The following CHD3 variants were observed in gnomAD, a reference collection of about 807,000 sequenced individuals.
CHD3 encodes the protein chromodomain helicase DNA binding protein 3, also known as ATP-dependent chromatin remodeler CHD3.
Under a neutral mutation model 248.9 loss-of-function variants are expected in CHD3, and 52 were observed. That is an observed-to-expected ratio of 0.21 (90% CI 0.17 to 0.26). The LOEUF (loss-of-function observed/expected upper bound fraction) is 0.26, where lower values mean the gene tolerates loss of function less well. Ranked by LOEUF, CHD3 falls within the 10% of genes least tolerant of loss-of-function variation. CHD3 has a pLI of 1.00. For missense variants in CHD3, 1,482 were observed against 2,605.8 expected (o/e 0.57, Z 9.39); for synonymous variants, 985 against 985.2 (o/e 1.00, Z 0.00).
At chr17:7,885,430 G>T (rs1567825818), upstream of CHD3, among the ~76,000 whole-genome samples, 1 of 147,112 alleles carries the variant, frequency 6.8e-6, no homozygotes, top group Non-Finnish European at 1.5e-5. Context: ...GGAGGAGGAG[G>T]TTTTTTTTTT....
Position 7,909,166 on chromosome 17 carries a change from T to C in CHD3, c.5418T>C (p.Ile1806=), listed in dbSNP as rs1598008216. 6.4e-7 allele frequency: 1 copy of C among 1,556,832 alleles called. No individual in the cohort carries two copies. Among genetic ancestry groups the C allele is most frequent in the Non-Finnish European group, 8.7e-7 (1 of 1,151,026 alleles). ...AGCTCCTGGAGCAGGCGCTGGTGATTGAGGAGCAGCTGCGGCGGGCGGCCT... is the reference window on the plus strand; with the variant it reads ...AGCTCCTGGAGCAGGCGCTGGTGATCGAGGAGCAGCTGCGGCGGGCGGCCT... The part of the protein sequence containing the change: ...RFKLLEQALV[I]EEQLRRAAYL... The change falls in exon 37 of 40, where the codon ATT becomes ATC. Residue 1806 remains isoleucine, a synonymous_variant. Coordinates refer to ENST00000330494, the MANE Select transcript of CHD3 (RefSeq NM_001005273.3). The surrounding 1 kb of genome is among the most constrained non-coding windows in gnomAD (Gnocchi z 8.1).
At chr17:7,891,868 A>G (rs906415183) in intron 4 of CHD3, among the ~76,000 whole-genome samples, 40 of 152,148 alleles carry the variant, frequency 2.6e-4, no homozygotes, top group African/African-American at 9.4e-4. Context: ...GTCTCAAAAA[A>G]AAAAAAAGAA....
At position 7,910,957 on chromosome 17, in the gene CHD3, A is replaced by G. The variant is rs1310966587; in HGVS notation, c.5865A>G (p.Ala1955=). 1.2e-6 allele frequency: 2 copies of G among 1,613,190 alleles called. No individual in the cohort carries two copies. The highest frequency in any genetic ancestry group is 1.1e-5 in the South Asian group (1 of 91,002). ...AAGANYSQMP[A]GSFITAATNG... ...GCGCCAATTACAGCCAGATGCCTGC[A>G]GGGTCCTTCATCACAGGTCAGCTGG... Residue 1955 remains alanine (A), a synonymous_variant, in exon 39 of 40, where the codon GCA becomes GCG. Coordinates refer to ENST00000330494, the MANE Select transcript of CHD3 (RefSeq NM_001005273.3). This position sits in a 1 kb window ranked among gnomAD's most constrained non-coding sequence, Gnocchi z 4.7.
intron 20 of CHD3, among the ~76,000 whole-genome samples, 198 bp downstream of exon 20, chr17:7,901,573 C>T (rs190684197): frequency 7.4e-4 from 109 of 148,036 alleles, no homozygotes; most frequent in African/African-American, 2.5e-3. Flanking sequence ...TGCAGTGGCA[C>T]GATCTCGGCT....
chr17:7,910,074 T>A lies in CHD3; in HGVS notation c.5591-354T>A. 1 of 348,742 alleles carries A rather than the reference T, an allele frequency of 2.9e-6. No homozygotes were observed. The allele number at this position is 348,742 out of a possible 1,614,324, so 21.6% of individuals were successfully genotyped here. Reference sequence around the variant, plus strand: ...TCCCCATCATCCCCAACCCCAAACCTTGCTCTTCCAGTATGAGATGTTCTG... The same window carrying A: ...TCCCCATCATCCCCAACCCCAAACCATGCTCTTCCAGTATGAGATGTTCTG... On this transcript the variant is annotated intron_variant, in intron 37 of 39. Coordinates refer to ENST00000330494, the MANE Select transcript of CHD3 (RefSeq NM_001005273.3). This position sits in a 1 kb window ranked among gnomAD's most constrained non-coding sequence, Gnocchi z 4.7.
rs778076197 is a variant in CHD3 at position 7,910,851 on chromosome 17, A to C, written c.5759A>C (p.Tyr1920Ser). 6.2e-7 allele frequency: 1 copy of C among 1,600,158 alleles called. No individual in the cohort carries two copies. Among genetic ancestry groups the C allele is most frequent in the Non-Finnish European group, 8.5e-7 (1 of 1,175,378 alleles). Residue 1920 changes from tyrosine to serine, a missense_variant, in exon 39 of 40, where the codon TAC becomes TCC. By Grantham distance (144) the Tyr-to-Ser change is moderately radical. Coordinates refer to ENST00000330494, the MANE Select transcript of CHD3 (RefSeq NM_001005273.3). This position sits in a 1 kb window ranked among gnomAD's most constrained non-coding sequence, Gnocchi z 4.7. The stretch of plus-strand genomic sequence containing the variant: ...TCTGCTTCCTCTCTGTTCCAGGCCT[A>C]CCCGCCGGGTCCCTACGCTACACCT... ...KGTEPHPTPA[Y>S]PPGPYATPPG...
chr17:7,894,476 G>A lies in CHD3; in HGVS notation c.1137G>A (p.Gln379=). The A allele has an allele frequency of 6.2e-7, 1 of 1,614,124 alleles. No homozygotes were observed. The highest frequency in any genetic ancestry group is 1.3e-5 in the African/African-American group (1 of 75,018). The change falls in exon 8 of 40, where the codon CAG becomes CAA. Residue 379 remains glutamine, a synonymous_variant. Coordinates refer to ENST00000330494, the MANE Select transcript of CHD3 (RefSeq NM_001005273.3). ...TTGATGGCTACGAGACGGATCACCA[G>A]GATTACTGTGAGGTGTGCCAGCAGG... is the stretch of plus-strand genomic sequence containing the variant. ...EEVDGYETDH[Q]DYCEVCQQGG...
chr17:7,901,936 T>C (rs1970369593), intron 20 of CHD3, among the ~76,000 whole-genome samples: 1 of 152,110 alleles, frequency 6.6e-6, no homozygotes, highest in African/African-American at 2.4e-5. Flanking sequence ...CTTCATCTTA[T>C]TGGCAGGTGA....
Position 7,900,737 on chromosome 17 carries a change from A to G in CHD3, c.2978+6A>G, listed in dbSNP as rs746838409. On this transcript the variant is annotated splice_donor_region_variant and intron_variant, in intron 18 of 39. Transcript: ENST00000330494. This position sits in a 1 kb window ranked among gnomAD's most constrained non-coding sequence, Gnocchi z 6.5. ...GAGCTAAGCCCCATGCAGAAGTAAG[A>G]TGCAAGACGAGCTGCCTGGAGTAGG... 6.2e-7 allele frequency: 1 copy of G among 1,611,140 alleles called. No individual in the cohort carries two copies. Among genetic ancestry groups the G allele is most frequent in the South Asian group, 1.1e-5 (1 of 91,064 alleles).
chr17:7,885,043 G>A (rs1044723012), upstream of CHD3: 35 of 1,088,740 alleles, frequency 3.2e-5, no homozygotes, highest in East Asian at 5.4e-5. Context: ...CGCCGCCGCC[G>A]CCGCCACCGC....
intron 6 of CHD3, 53 bp downstream of exon 6, chr17:7,893,988 CAG>C (rs1187689065): frequency 7.4e-5 from 117 of 1,570,746 alleles, no homozygotes; most frequent in African/African-American, 2.7e-4. Flanking sequence ...GATCCAGAGA[CAG>C]GGATCCGTGA....
Position 7,893,422 on chromosome 17 carries a change from G to C in CHD3, c.646G>C (p.Ala216Pro), listed in dbSNP as rs780509597. 6.2e-7 allele frequency: 1 copy of C among 1,611,924 alleles called. No homozygotes were observed. Among genetic ancestry groups the C allele is most frequent in the Non-Finnish European group, 8.5e-7 (1 of 1,179,072 alleles). ...TGCTGTGGCGGCGGCAGCGGCAGCAGCAGCAGCAGCTGTAGCTGAGCAGGT... is the reference window on the plus strand; with the variant it reads ...TGCTGTGGCGGCGGCAGCGGCAGCACCAGCAGCAGCTGTAGCTGAGCAGGT... ...AAAVAAAAAAAAAAVAEQVSA... is the reference protein window; with the variant it reads ...AAAVAAAAAAPAAAVAEQVSA... The change falls in exon 5 of 40, where the codon GCA becomes CCA. Residue 216 changes from alanine (A) to proline (P), a missense_variant. Around this residue, in one of 20 missense-constraint regions of CHD3, gnomAD observed 149 missense variants for 182.6 expected, o/e 0.82. Coordinates refer to ENST00000330494, the MANE Select transcript of CHD3 (RefSeq NM_001005273.3).
At position 7,897,834 on chromosome 17, in the gene CHD3, T is replaced by A. The variant is rs1969869121; in HGVS notation, c.1920-137T>A. 4.4e-6 allele frequency: 4 copies of A among 911,376 alleles called. No homozygotes were observed. The African/African-American group carries it at 5.0e-5, about 11-fold the overall frequency. 56.5% of individuals were successfully genotyped at this position (911,376 alleles called of 1,614,324 possible). On this transcript the variant is annotated intron_variant, in intron 11 of 39. Transcript: ENST00000330494. The surrounding 1 kb of genome is among the most constrained non-coding windows in gnomAD (Gnocchi z 4.8). Reference sequence around the variant, plus strand: ...GCTAGGTCAACTATTCCAATCTCCCTTCCAGCAGCTCACTGTTGACGGTTG... The same window carrying A: ...GCTAGGTCAACTATTCCAATCTCCCATCCAGCAGCTCACTGTTGACGGTTG...
Position 7,907,244 on chromosome 17 carries a change from A to G in CHD3, c.4785A>G (p.Thr1595=), listed in dbSNP as rs777506442. The G allele has an allele frequency of 1.2e-6, 2 of 1,614,224 alleles. No homozygotes were observed. The highest frequency in any genetic ancestry group is 1.1e-5 in the South Asian group (1 of 91,090). Residue 1595 remains threonine, a synonymous_variant, in exon 31 of 40, where the codon ACA becomes ACG. Transcript: ENST00000330494. The surrounding 1 kb of genome is among the most constrained non-coding windows in gnomAD (Gnocchi z 4.3). ...KNSRIGEKME[T]EADAPSPAPS... ...GCAGAATTGGGGAGAAGATGGAGAC[A>G]GAGGTGTGTGGCTCCCTGGATTCCC... is the stretch of plus-strand genomic sequence containing the variant.
intron 20 of CHD3, 77 bp downstream of exon 20, chr17:7,901,452 G>A: frequency 7.5e-7 from 1 of 1,339,442 alleles, no homozygotes; most frequent in Non-Finnish European, 1.0e-6. Flanking sequence ...ATTTCTTACG[G>A]TCTTCCTGTG....
upstream of CHD3, among the ~76,000 whole-genome samples, chr17:7,886,524 T>G (rs749875840): frequency 2.6e-5 from 4 of 152,124 alleles, no homozygotes; most frequent in Non-Finnish European, 5.9e-5. The surrounding 1 kb of genome is among the most constrained non-coding windows in gnomAD (Gnocchi z 4.2). Flanking sequence ...GAGACGACCT[T>G]TGGGGGAGCG....
chr17:7,906,536 A>G lies in CHD3; in HGVS notation c.4359-17A>G. The G allele has an allele frequency of 1.2e-6, 2 of 1,612,302 alleles. No homozygotes were observed. Among genetic ancestry groups the G allele is most frequent in the Non-Finnish European group, 1.7e-6 (2 of 1,179,550 alleles). ...CTGTGGCTCCCCTAACCCTCCTCCC[A>G]CTCCCATGCTCCTTAGGGCCTATGT... is the stretch of plus-strand genomic sequence containing the variant. On this transcript the variant is annotated splice_polypyrimidine_tract_variant and intron_variant, in intron 28 of 39. Transcript: ENST00000330494. This position sits in a 1 kb window ranked among gnomAD's most constrained non-coding sequence, Gnocchi z 5.0.
At position 7,904,322 on chromosome 17, in the gene CHD3, C is replaced by T. The variant is rs762092534; in HGVS notation, c.3895-120C>T. The T allele has an allele frequency of 1.4e-4, 124 of 891,010 alleles. No individual in the cohort carries two copies. The highest frequency in any genetic ancestry group is 1.5e-4 in the Non-Finnish European group (86 of 568,966). The allele number at this position is 891,010 out of a possible 1,614,324, so 55.2% of individuals were successfully genotyped here. A position where few individuals can be genotyped will look rare whatever the true frequency, so the allele number is the denominator to read the frequency against. ...TGTCCAGAAAATGTATGCAGAGCCA[C>T]GAAGCTGCAGGAGTGGGGAGACCGG... is the stretch of plus-strand genomic sequence containing the variant. On this transcript the variant is annotated intron_variant, in intron 24 of 39. Transcript: ENST00000330494. This position sits in a 1 kb window ranked among gnomAD's most constrained non-coding sequence, Gnocchi z 4.4.
In CHD3 at chr17:7,904,061, C is replaced by A; in HGVS notation, c.3894+70C>A. The stretch of plus-strand genomic sequence containing the variant: ...CCAAAAGGCAGTATCCTTTACTCAG[C>A]CTTGAAGTAGGAGGGTCTGTCCCCC... On this transcript the variant is annotated intron_variant, in intron 24 of 39. Coordinates refer to ENST00000330494, the MANE Select transcript of CHD3 (RefSeq NM_001005273.3). The surrounding 1 kb of genome is among the most constrained non-coding windows in gnomAD (Gnocchi z 4.4). 1 of 1,523,672 alleles carries A rather than the reference C, an allele frequency of 6.6e-7. No homozygotes were observed. 94.4% of individuals were successfully genotyped at this position (1,523,672 alleles called of 1,614,324 possible). A position where few individuals can be genotyped will look rare whatever the true frequency, so the allele number is the denominator to read the frequency against.
Sources: gnomAD v4.1 joint callset for allele counts (sites outside exome capture counted in the v4.1 genomes callset) on GRCh38, gnomAD v4.1.1 for gene constraint, gnomAD v4.1.1 regional missense constraint, Gnocchi (gnomAD v3.1) non-coding constraint, MANE v1.5 for transcripts, NCBI Gene and HGNC (gene_info 2026-07-23, HGNC 2026-07-21) for gene names.